The following ROBO1 variants were observed in gnomAD, a reference collection of about 807,000 sequenced individuals.
The protein encoded by ROBO1 is roundabout guidance receptor 1, also known as roundabout homolog 1.
A neutral mutation model predicts 195.9 loss-of-function variants in ROBO1; 149 were observed. The ratio of observed to expected loss-of-function variants is 0.76; its 90% CI spans 0.67 to 0.87. The LOEUF (loss-of-function observed/expected upper bound fraction) is 0.87, where lower values mean the gene tolerates loss of function less well. Ranked by LOEUF, ROBO1 falls within the 40% of genes least tolerant of loss-of-function variation. The pLI is 0.00. For missense variants in ROBO1, 1,933 were observed against 2,068.3 expected, an observed-to-expected ratio of 0.93 and a Z score of 1.27; for synonymous variants, 816 against 733.2, an observed-to-expected ratio of 1.11 and a Z score of -1.82.
At chr3:78,960,694 T>G (rs1420855668) in intron 3 of ROBO1, among the ~76,000 whole-genome samples, 1 of 151,458 alleles carries the variant, frequency 6.6e-6, no homozygotes, top group Non-Finnish European at 1.5e-5. Flanking sequence ...GCAGAATTGC[T>G]TGAACCCAGG....
At chr3:79,106,800 A>T (rs1042352355) in intron 3 of ROBO1, among the ~76,000 whole-genome samples, 1 of 151,712 alleles carries the variant, frequency 6.6e-6, no homozygotes, top group African/African-American at 2.4e-5. Flanking sequence ...CATATTCATT[A>T]TCTGAGTATC....
intron 2 of ROBO1, among the ~76,000 whole-genome samples, chr3:79,304,255 A>C (rs1285070101): frequency 6.6e-6 from 1 of 152,202 alleles, no homozygotes; most frequent in Non-Finnish European, 1.5e-5. Flanking sequence ...AGACTGAATT[A>C]ATTATGTAAT....
intron 3 of ROBO1, among the ~76,000 whole-genome samples, chr3:78,944,189 G>C (rs535463435): frequency 6.6e-6 from 1 of 152,330 alleles, no homozygotes; most frequent in African/African-American, 2.4e-5. Flanking sequence ...ATCACAGTCA[G>C]ATTCAAAGTC....
chr3:78,764,269 T>C (rs895807610), intron 4 of ROBO1, among the ~76,000 whole-genome samples: 1 of 152,134 alleles, frequency 6.6e-6, no homozygotes, highest in Admixed American at 6.6e-5. Context: ...AGTCCAACTC[T>C]TCTTCATTGT....
chr3:78,764,959 T>A (rs984241178), intron 4 of ROBO1, among the ~76,000 whole-genome samples: 1 of 152,138 alleles, frequency 6.6e-6, no homozygotes, highest in Non-Finnish European at 1.5e-5. Flanking sequence ...AAAGATTTCA[T>A]ACATGAGGAA....
Position 78,822,552 on chromosome 3 carries a change from C to T in ROBO1, c.500-75652G>A, listed in dbSNP as rs185405847. ...GGTGGATGAATTCTACACACACTCT[C>T]TAAACTGAAAAAAGCAGATTATAGA... On this transcript the variant is annotated intron_variant, in intron 4 of 30. Transcript: ENST00000464233. Among the ~76,000 whole-genome samples, 32 of 152,242 alleles carry T rather than the reference C, an allele frequency of 2.1e-4. 1 individual carries two copies. The East Asian group carries it at 4.4e-3, about 21-fold the overall frequency.
At chr3:79,687,156 C>T (rs1312431853) in intron 1 of ROBO1, among the ~76,000 whole-genome samples, 1 of 152,182 alleles carries the variant, frequency 6.6e-6, no homozygotes, top group Admixed American at 6.5e-5. Context: ...GGAAAACTGG[C>T]TAGCCATATG....
At chr3:79,552,996 T>C (rs995764717) in intron 2 of ROBO1, among the ~76,000 whole-genome samples, 1 of 152,214 alleles carries the variant, frequency 6.6e-6, no homozygotes, top group Admixed American at 6.5e-5. Flanking sequence ...TTGTGCATTA[T>C]TTTTCTAACC....
intron 4 of ROBO1, among the ~76,000 whole-genome samples, chr3:78,824,831 A>T (rs1216741785): frequency 6.6e-6 from 1 of 152,098 alleles, no homozygotes; most frequent in Non-Finnish European, 1.5e-5. Flanking sequence ...AATGCTGGTT[A>T]TTATTGTTTT....
chr3:78,935,032 T>C (rs1463489722), intron 4 of ROBO1, among the ~76,000 whole-genome samples: 1 of 151,988 alleles, frequency 6.6e-6, no homozygotes, highest in Non-Finnish European at 1.5e-5. Flanking sequence ...GAATTCTAAG[T>C]CACTTTAAGA....
intron 3 of ROBO1, among the ~76,000 whole-genome samples, chr3:79,014,639 G>A (rs1399711109): frequency 6.6e-5 from 10 of 152,008 alleles, no homozygotes. Context: ...CCAGACTTCT[G>A]CTTTTTATTT....
chr3:79,762,609 A>AACACATACACAC, intron 1 of ROBO1, among the ~76,000 whole-genome samples: 1 of 146,718 alleles, frequency 6.8e-6, no homozygotes, highest in East Asian at 2.0e-4. Context: ...ATTCTGGACA[A>AACACATACACAC]ACACACACAC....
chr3:78,616,358 C>T (rs1326322645), intron 27 of ROBO1, among the ~76,000 whole-genome samples: 1 of 152,064 alleles, frequency 6.6e-6, no homozygotes, highest in African/African-American at 2.4e-5. Flanking sequence ...TTACATTCAG[C>T]AGCTACTAGA....
Position 79,019,393 on chromosome 3 carries a change from C to T in ROBO1, c.173-80466G>A, listed in dbSNP as rs576497383. 1.5e-4 allele frequency: 151 copies of T among 986,024 alleles called. No individual in the cohort carries two copies. The African/African-American group carries it at 2.6e-3, about 17-fold the overall frequency. 61.1% of individuals were successfully genotyped at this position (986,024 alleles called of 1,614,324 possible). A position where few individuals can be genotyped will look rare whatever the true frequency, so the allele number is the denominator to read the frequency against. On this transcript the variant is annotated intron_variant, in intron 3 of 30. Transcript: ENST00000464233. ...GGAGAGACGGCCGCCGCGGCTCACC[C>T]CAGCTCCTCCCGGATCAGCGGCGTC...
At chr3:78,731,026 A>G (rs1576040585) in intron 5 of ROBO1, among the ~76,000 whole-genome samples, 1 of 152,162 alleles carries the variant, frequency 6.6e-6, no homozygotes, top group East Asian at 1.9e-4. Flanking sequence ...GACAAATAAG[A>G]AATAAAAATA....
intron 3 of ROBO1, among the ~76,000 whole-genome samples, chr3:79,103,342 T>C (rs1040397057): frequency 2.0e-5 from 3 of 151,716 alleles, no homozygotes; most frequent in Non-Finnish European, 2.9e-5. Flanking sequence ...AAGACACCGG[T>C]TTTCGGTCAG....
intron 14 of ROBO1, among the ~76,000 whole-genome samples, chr3:78,665,219 C>T (rs939452647): frequency 1.3e-5 from 2 of 152,086 alleles, no homozygotes; most frequent in African/African-American, 4.8e-5. Context: ...CTGAATAGTT[C>T]TAAGTAAAAA....
intron 2 of ROBO1, among the ~76,000 whole-genome samples, chr3:79,418,680 A>C (rs2106917878): frequency 6.6e-6 from 1 of 152,308 alleles, no homozygotes; most frequent in South Asian, 2.1e-4. Flanking sequence ...TAACTATACA[A>C]GAGAAAGATA....
At chr3:78,713,836 C>T (rs763867849) in intron 8 of ROBO1, among the ~76,000 whole-genome samples, 1 of 152,210 alleles carries the variant, frequency 6.6e-6, no homozygotes, top group Admixed American at 6.5e-5. Flanking sequence ...AACTGCAATT[C>T]GTTCAATCAA....
Sources: gnomAD v4.1 joint callset for allele counts (sites outside exome capture counted in the v4.1 genomes callset) on GRCh38, gnomAD v4.1.1 for gene constraint, MANE v1.5 for transcripts, NCBI Gene and HGNC (gene_info 2026-07-23, HGNC 2026-07-21) for gene names.